Variants in DPP10 observed in about 807,000 individuals in gnomAD.
DPP10 encodes the protein dipeptidyl peptidase like 10, also known as inactive dipeptidyl peptidase 10.
A neutral mutation model predicts 120.9 loss-of-function variants in DPP10; 33 were observed. The observed-to-expected ratio is 0.27, with a 90% CI of 0.21 to 0.37. DPP10 has a LOEUF of 0.37. Ranked by LOEUF, DPP10 falls within the 10% of genes least tolerant of loss-of-function variation. DPP10 has a pLI of 1.00. For missense variants in DPP10, 816 were observed against 942.8 expected (o/e 0.87, Z 1.76); for synonymous variants, 337 against 326.1 (o/e 1.03, Z -0.36).
At chr2:114,554,731 A>C (rs1688153596) in intron 1 of DPP10, among the ~76,000 whole-genome samples, 1 of 152,184 alleles carries the variant, frequency 6.6e-6, no homozygotes, top group Non-Finnish European at 1.5e-5. Context: ...GGGCTTTAAC[A>C]TCTGCCCCTT....
At chr2:114,452,278 T>C (rs1318337486) in intron 1 of DPP10, among the ~76,000 whole-genome samples, 1 of 152,156 alleles carries the variant, frequency 6.6e-6, no homozygotes, top group Non-Finnish European at 1.5e-5. Flanking sequence ...AATTATTTTC[T>C]TCCTCATTCT....
intron 1 of DPP10, among the ~76,000 whole-genome samples, chr2:114,952,291 A>G (rs1032603678): frequency 6.6e-6 from 1 of 152,192 alleles, no homozygotes; most frequent in Non-Finnish European, 1.5e-5. Flanking sequence ...ATACATTTAC[A>G]TAAAATGTAT....
At chr2:115,161,711 T>G in intron 1 of DPP10, 1 of 379,802 alleles carries the variant, frequency 2.6e-6, no homozygotes, top group East Asian at 4.2e-5. Context: ...TCGCTGCGCT[T>G]TGGGTGGCGG....
chr2:115,583,696 C>G (rs574937507), intron 5 of DPP10, among the ~76,000 whole-genome samples: 1 of 152,224 alleles, frequency 6.6e-6, no homozygotes, highest in South Asian at 2.1e-4. Context: ...TAGTCACATG[C>G]CTGTTCAGAT....
At chr2:115,619,679 C>A (rs952231546) in intron 5 of DPP10, among the ~76,000 whole-genome samples, 29 of 152,142 alleles carry the variant, frequency 1.9e-4, no homozygotes, top group African/African-American at 6.8e-4. Flanking sequence ...TTTTTTCTGA[C>A]CCAGGCATAG....
intron 5 of DPP10, among the ~76,000 whole-genome samples, chr2:115,648,047 T>G (rs145446697): frequency 7.9e-5 from 12 of 152,254 alleles, no homozygotes; most frequent in African/African-American, 2.6e-4. Flanking sequence ...TTACTTTAGT[T>G]TGCATGTCTG....
At chr2:115,105,199 A>C (rs2048887807) in intron 1 of DPP10, among the ~76,000 whole-genome samples, 1 of 152,054 alleles carries the variant, frequency 6.6e-6, no homozygotes, top group South Asian at 2.1e-4. Flanking sequence ...TTTTTCTCTG[A>C]GATGATTATG....
rs188815616 is a variant in DPP10 at position 115,844,612 on chromosome 2, A to G, written c.*2267A>G. 1 of 152,268 alleles carries G rather than the reference A, an allele frequency of 6.6e-6. No homozygotes were observed. The highest frequency in any genetic ancestry group is 2.4e-5 in the African/African-American group (1 of 41,558). 9.4% of individuals were successfully genotyped at this position (152,268 alleles called of 1,614,324 possible). A position where few individuals can be genotyped will look rare whatever the true frequency, so the allele number is the denominator to read the frequency against. On this transcript the variant is annotated 3_prime_UTR_variant, in exon 26 of 26. Coordinates refer to ENST00000410059, the MANE Select transcript of DPP10 (RefSeq NM_020868.6). ...ACACATAGTCACCAACTATTAAAGG[A>G]ATCATGTGATTGGATTTTCCCCTGT...
At chr2:115,637,725 A>G (rs535449298) in intron 5 of DPP10, among the ~76,000 whole-genome samples, 7 of 152,274 alleles carry the variant, frequency 4.6e-5, no homozygotes, top group Non-Finnish European at 5.9e-5. Context: ...TTAAATCACT[A>G]TTTTCTCTAG....
At chr2:114,459,576 G>C (rs980349343) in intron 1 of DPP10, among the ~76,000 whole-genome samples, 5 of 152,108 alleles carry the variant, frequency 3.3e-5, no homozygotes, top group Non-Finnish European at 5.9e-5. Flanking sequence ...GTCAGTTTGG[G>C]ATCTCGAAGG....
In DPP10 at chr2:114,678,424, A is replaced by G. The variant is rs993959311; in HGVS notation, c.60+235586A>G. Reference sequence around the variant, plus strand: ...TTCTATGGGGAAGTTTTATTGTTCTATGGAAAAGTTTGCCACTTTACTAAT... The same window carrying G: ...TTCTATGGGGAAGTTTTATTGTTCTGTGGAAAAGTTTGCCACTTTACTAAT... On this transcript the variant is annotated intron_variant, in intron 1 of 25. Transcript: ENST00000410059. Among the ~76,000 whole-genome samples the G allele has an allele frequency of 6.5e-4, 99 of 152,010 alleles. 5 individuals are homozygous for G. The highest frequency in any genetic ancestry group is 8.8e-5 in the Non-Finnish European group (6 of 67,980).
intron 1 of DPP10, among the ~76,000 whole-genome samples, chr2:114,628,024 C>T (rs1277773376): frequency 6.6e-6 from 1 of 152,086 alleles, no homozygotes; most frequent in East Asian, 1.9e-4. Flanking sequence ...CTGATGAAAA[C>T]ATTTTTTGGA....
intron 1 of DPP10, among the ~76,000 whole-genome samples, chr2:115,238,406 G>A (rs1243418571): frequency 1.3e-5 from 2 of 152,182 alleles, no homozygotes; most frequent in Non-Finnish European, 2.9e-5. Flanking sequence ...CTGATGGAGA[G>A]GTGCAAGGAG....
intron 1 of DPP10, among the ~76,000 whole-genome samples, chr2:114,630,125 GTT>G (rs1694813309): frequency 6.6e-6 from 1 of 151,978 alleles, no homozygotes; most frequent in Admixed American, 6.6e-5. Flanking sequence ...TGAGATGATC[GTT>G]TTTTCTCTCT....
chr2:115,784,473 A>G (rs571695829), intron 17 of DPP10, among the ~76,000 whole-genome samples: 2 of 152,374 alleles, frequency 1.3e-5, no homozygotes, highest in Admixed American at 6.5e-5. Flanking sequence ...TACATTACTA[A>G]TAAAGATAGA....
At chr2:114,641,776 A>T (rs1695725261) in intron 1 of DPP10, among the ~76,000 whole-genome samples, 1 of 152,024 alleles carries the variant, frequency 6.6e-6, no homozygotes, top group Admixed American at 6.5e-5. Flanking sequence ...GAATAAAAAT[A>T]AAGATTAAAG....
At chr2:114,494,101 C>CAAAAAAAAAAAAAAAAAA (rs58552540) in intron 1 of DPP10, among the ~76,000 whole-genome samples, 3 of 77,158 alleles carry the variant, frequency 3.9e-5, no homozygotes, top group African/African-American at 1.0e-4. Flanking sequence ...AGCAATAAGG[C>CAAAAAAAAAAAAAAAAAA]AAAAAAAAAA....
chr2:115,408,963 G>T (rs1483087589), intron 3 of DPP10, among the ~76,000 whole-genome samples: 1 of 151,726 alleles, frequency 6.6e-6, no homozygotes, highest in Non-Finnish European at 1.5e-5. Flanking sequence ...ATCTCTGAGT[G>T]AAAAGAATGA....
chr2:115,055,108 A>G (rs6749982), intron 1 of DPP10, among the ~76,000 whole-genome samples: 55,059 of 152,036 alleles, frequency 0.36, 10,467 homozygotes, highest in South Asian at 0.54. Flanking sequence ...AAACCATGCT[A>G]TTGGTCTACC....
Sources: gnomAD v4.1 joint callset for allele counts (sites outside exome capture counted in the v4.1 genomes callset) on GRCh38, gnomAD v4.1.1 for gene constraint, MANE v1.5 for transcripts, NCBI Gene and HGNC (gene_info 2026-07-23, HGNC 2026-07-21) for gene names.